Variants in ULK4 observed in about 807,000 individuals in gnomAD.
The protein encoded by ULK4 is inactive serine/threonine-protein kinase ULK4.
ULK4 carries 133 observed loss-of-function variants against 160.6 expected under a neutral mutation model. The ratio of observed to expected loss-of-function variants is 0.83; its 90% confidence interval spans 0.72 to 0.96. The LOEUF (loss-of-function observed/expected upper bound fraction) is 0.96, where lower values mean the gene tolerates loss of function less well. Ranked by LOEUF, ULK4 falls within the 40% of genes least tolerant of loss-of-function variation. ULK4 has a pLI of 0.00. For missense variants in ULK4, 1,580 were observed against 1,499.5 expected (o/e 1.05, Z -0.89); for synonymous variants, 534 against 539.8 (o/e 0.99, Z 0.15).
intron 34 of ULK4, among the ~76,000 whole-genome samples, chr3:41,435,366 T>C (rs2083010596): frequency 6.6e-6 from 1 of 152,172 alleles, no homozygotes; most frequent in Non-Finnish European, 1.5e-5. Context: ...TCACAGGGTG[T>C]CCAATCAACA....
At chr3:41,717,595 C>CTTT in intron 23 of ULK4, 133 bp downstream of exon 23, 1 of 1,122,186 alleles carries the variant, frequency 8.9e-7, no homozygotes, top group Non-Finnish European at 1.2e-6. Flanking sequence ...CTTGAAACTA[C>CTTT]ATATTCGTTA....
chr3:41,433,467 TTTCTAGA>T (rs1243808189), intron 34 of ULK4, among the ~76,000 whole-genome samples: 3 of 152,222 alleles, frequency 2.0e-5, no homozygotes, highest in Admixed American at 6.5e-5. Flanking sequence ...AGCAATTCTA[TTTCTAGA>T]AATTTGTCCT....
chr3:41,506,015 AAT>A (rs1283321644), intron 32 of ULK4, among the ~76,000 whole-genome samples: 2 of 152,284 alleles, frequency 1.3e-5, no homozygotes, highest in Non-Finnish European at 2.9e-5. Flanking sequence ...TTAAATTATA[AAT>A]ATATGTTTGT....
At chr3:41,442,993 T>C (rs944380042) in intron 34 of ULK4, among the ~76,000 whole-genome samples, 2 of 152,188 alleles carry the variant, frequency 1.3e-5, no homozygotes, top group African/African-American at 4.8e-5. Context: ...GTCATCCTGC[T>C]TTCTAATATG....
At chr3:41,620,663 T>C (rs2033201149) in intron 30 of ULK4, among the ~76,000 whole-genome samples, 1 of 152,112 alleles carries the variant, frequency 6.6e-6, no homozygotes, top group South Asian at 2.1e-4. Flanking sequence ...AATATAATAT[T>C]GAATGGGTAA....
intron 5 of ULK4, among the ~76,000 whole-genome samples, chr3:41,926,486 A>T (rs957565506): frequency 6.6e-6 from 1 of 152,200 alleles, no homozygotes; most frequent in African/African-American, 2.4e-5. Flanking sequence ...ACAAAACTGG[A>T]TGGAGAACGA....
intron 17 of ULK4, among the ~76,000 whole-genome samples, chr3:41,864,276 GCC>G (rs2042568206): frequency 2.6e-5 from 4 of 151,810 alleles, no homozygotes; most frequent in Admixed American, 2.0e-4. Flanking sequence ...CTCCCCCAGT[GCC>G]CAGAGATGTT....
intron 32 of ULK4, among the ~76,000 whole-genome samples, chr3:41,525,941 C>A (rs1451274428): frequency 6.6e-6 from 1 of 152,178 alleles, no homozygotes; most frequent in South Asian, 2.1e-4. Context: ...TATCTGCCAC[C>A]TCCCTGAGGA....
chr3:41,833,962 C>T (rs1001986147), intron 18 of ULK4, among the ~76,000 whole-genome samples: 4 of 151,850 alleles, frequency 2.6e-5, no homozygotes, highest in Admixed American at 2.6e-4. Context: ...CTACCTGTTG[C>T]CTAAAATGAT....
At chr3:41,823,598 G>C (rs2041223964) in intron 18 of ULK4, among the ~76,000 whole-genome samples, 1 of 152,124 alleles carries the variant, frequency 6.6e-6, no homozygotes, top group African/African-American at 2.4e-5. Context: ...GGTGTTACTA[G>C]AGAGCCAACA....
intron 19 of ULK4, among the ~76,000 whole-genome samples, chr3:41,808,417 G>T (rs1192603380): frequency 2.0e-5 from 3 of 152,272 alleles, no homozygotes; most frequent in Middle Eastern, 6.8e-3. Context: ...AACTCAGTGA[G>T]GTTGTCAGGC....
intron 22 of ULK4, among the ~76,000 whole-genome samples, chr3:41,742,946 A>G (rs1486255866): frequency 6.6e-6 from 1 of 151,724 alleles, no homozygotes; most frequent in Non-Finnish European, 1.5e-5. Flanking sequence ...TAGACAAAAG[A>G]AAAAAAATAG....
At chr3:41,461,129 C>A (rs1011090412) in intron 33 of ULK4, among the ~76,000 whole-genome samples, 1 of 152,138 alleles carries the variant, frequency 6.6e-6, no homozygotes, top group Non-Finnish European at 1.5e-5. Context: ...GAGATTCTGA[C>A]ACGTGCCTGC....
intron 32 of ULK4, among the ~76,000 whole-genome samples, chr3:41,471,606 A>G (rs1394075834): frequency 6.6e-6 from 1 of 152,212 alleles, no homozygotes; most frequent in Non-Finnish European, 1.5e-5. Context: ...AAGTCTTGAC[A>G]TGTCTTCACA....
At chr3:41,454,033 G>C (rs376193987) in intron 34 of ULK4, among the ~76,000 whole-genome samples, 1 of 96,322 alleles carries the variant, frequency 1.0e-5, no homozygotes, top group Non-Finnish European at 2.0e-5. Flanking sequence ...GTCATGGGGT[G>C]GGGGGAGGGG....
intron 35 of ULK4, among the ~76,000 whole-genome samples, chr3:41,299,899 A>C (rs2079748104): frequency 1.3e-5 from 2 of 152,206 alleles, no homozygotes; most frequent in Non-Finnish European, 2.9e-5. Context: ...GAGAAGTATA[A>C]ATAAGCTTAT....
At position 41,425,662 on chromosome 3, in the gene ULK4, TTCATATCTGGCCAGACTAAGC is replaced by T. The variant is rs1330052308; in HGVS notation, c.3493-27419_3493-27399del. On this transcript the variant is annotated intron_variant, in intron 34 of 36. Transcript: ENST00000301831. ...AAGAAATGAATTTCCAACCCAGAAT[TTCATATCTGGCCAGACTAAGC>T]TCATAAGTTAAGGAGAAGTAAAATC... 9.9e-5 allele frequency among the ~76,000 whole-genome samples: 15 copies of T among 152,264 alleles called. No individual in the cohort carries two copies. In the East Asian group the frequency reaches 2.3e-3, roughly 24 times the overall value.
chr3:41,342,486 G>A (rs2080708026), intron 35 of ULK4, among the ~76,000 whole-genome samples: 1 of 152,054 alleles, frequency 6.6e-6, no homozygotes, highest in African/African-American at 2.4e-5. Flanking sequence ...AGCACCTACT[G>A]CCTAAATAGA....
At chr3:41,540,091 T>C (rs1270482731) in intron 32 of ULK4, among the ~76,000 whole-genome samples, 1 of 152,068 alleles carries the variant, frequency 6.6e-6, no homozygotes, top group Non-Finnish European at 1.5e-5. Context: ...TTATTATACT[T>C]TAAGTTCTGG....
Sources: allele counts gnomAD v4.1 joint callset (sites outside exome capture counted in the v4.1 genomes callset), GRCh38; gene constraint gnomAD v4.1.1; transcripts MANE v1.5; gene names NCBI Gene and HGNC (gene_info 2026-07-23, HGNC 2026-07-21).